RTTN: variants seen among roughly 807,000 people sequenced by gnomAD.
RTTN encodes rotatin.
A neutral mutation model predicts 269.2 loss-of-function variants in RTTN; 182 were observed. The observed-to-expected ratio is 0.68, with a 90% CI of 0.60 to 0.76. The LOEUF (loss-of-function observed/expected upper bound fraction) is 0.76. Ranked by LOEUF, RTTN falls within the 30% of genes least tolerant of loss-of-function variation. The pLI is 0.00. For missense variants in RTTN, 2,545 were observed against 2,608.6 expected, an observed-to-expected ratio of 0.98 and a Z score of 0.53; for synonymous variants, 1,006 against 963.5, an observed-to-expected ratio of 1.04 and a Z score of -0.82.
intron 21 of RTTN, chr18:70,138,999 A>AG (rs1259454259): frequency 6.1e-5 from 4 of 66,110 alleles, no homozygotes; most frequent in Admixed American, 2.1e-4. Flanking sequence ...CTCTCCATTG[A>AG]GAAAAAAAAA....
intron 28 of RTTN, among the ~76,000 whole-genome samples, chr18:70,098,021 G>C (rs1388582609): frequency 6.6e-6 from 1 of 151,498 alleles, no homozygotes; most frequent in African/African-American, 2.4e-5. Context: ...GTAAAAGGTT[G>C]ATAAATAGAG....
chr18:70,083,242 G>C (rs2058618668), intron 32 of RTTN, among the ~76,000 whole-genome samples: 1 of 152,120 alleles, frequency 6.6e-6, no homozygotes, highest in African/African-American at 2.4e-5. Flanking sequence ...CCCACTTCCA[G>C]TATGCTTCTG....
chr18:70,108,889 C>T (rs564197859), intron 28 of RTTN, among the ~76,000 whole-genome samples: 2 of 151,602 alleles, frequency 1.3e-5, no homozygotes, highest in South Asian at 4.2e-4. Context: ...AAACAGCATA[C>T]TGAAGGGTGA....
intron 19 of RTTN, among the ~76,000 whole-genome samples, chr18:70,140,501 T>C (rs553055912): frequency 6.6e-6 from 1 of 152,310 alleles, no homozygotes; most frequent in South Asian, 2.1e-4. Flanking sequence ...CTTATATTTA[T>C]ACATGCAAAT....
intron 47 of RTTN, 142 bp from the exon 48 acceptor site, chr18:70,005,409 T>C (rs1568227874): frequency 1.9e-6 from 1 of 523,478 alleles, no homozygotes; most frequent in South Asian, 3.5e-5. Flanking sequence ...CATCTTAGCA[T>C]AATACATCCT....
chr18:70,020,196 T>G (rs557542008), intron 45 of RTTN, among the ~76,000 whole-genome samples: 1 of 152,134 alleles, frequency 6.6e-6, no homozygotes, highest in Non-Finnish European at 1.5e-5. Flanking sequence ...GGAAGTTAAG[T>G]CTAACTGGGG....
chr18:70,007,574 A>G (rs2056233248), intron 46 of RTTN: 1 of 152,180 alleles, frequency 6.6e-6, no homozygotes, highest in South Asian at 2.1e-4. Flanking sequence ...TGGTGGGGAG[A>G]GGGGTGTCCA....
At chr18:70,086,747 A>G in intron 31 of RTTN, 63 bp from the exon 32 acceptor site, 1 of 1,397,278 alleles carries the variant, frequency 7.2e-7, no homozygotes, top group Non-Finnish European at 9.8e-7. Context: ...CAATACTGCC[A>G]TCTTGTGGTC....
intron 47 of RTTN, 61 bp from the exon 48 acceptor site, chr18:70,005,328 T>C (rs1334593514): frequency 8.6e-7 from 1 of 1,159,060 alleles, no homozygotes; most frequent in Non-Finnish European, 1.3e-6. Flanking sequence ...AGCAAAACAC[T>C]AATTCTGCCC....
intron 32 of RTTN, among the ~76,000 whole-genome samples, chr18:70,083,617 TA>T (rs529311786): frequency 3.5e-4 from 53 of 152,266 alleles, no homozygotes; most frequent in Admixed American, 9.2e-4. Context: ...TTTAATACTT[TA>T]AAAAAATAAA....
intron 43 of RTTN, among the ~76,000 whole-genome samples, chr18:70,025,271 T>C (rs913255805): frequency 1.3e-5 from 2 of 152,210 alleles, no homozygotes. Context: ...TCTCTGTGTA[T>C]GTGTGTATAT....
intron 31 of RTTN, 24 bp downstream of exon 31, chr18:70,087,965 A>T (rs781371090): frequency 1.2e-6 from 2 of 1,607,292 alleles, no homozygotes; most frequent in Non-Finnish European, 1.7e-6. Flanking sequence ...TTCTAAGGAA[A>T]AAAAGGAGAA....
intron 35 of RTTN, among the ~76,000 whole-genome samples, chr18:70,064,275 C>A (rs2058071800): frequency 7.4e-6 from 1 of 134,846 alleles, no homozygotes; most frequent in Non-Finnish European, 1.5e-5. Flanking sequence ...GAGGCAGAGG[C>A]TGCACTGAGC....
intron 16 of RTTN, among the ~76,000 whole-genome samples, chr18:70,149,429 G>A (rs1335019208): frequency 6.6e-6 from 1 of 151,704 alleles, no homozygotes; most frequent in East Asian, 1.9e-4. Context: ...ACAAGGCCCA[G>A]GCTCTCTCTT....
chr18:70,192,159 A>G (rs1473123587), intron 8 of RTTN, among the ~76,000 whole-genome samples: 1 of 152,212 alleles, frequency 6.6e-6, no homozygotes, highest in Non-Finnish European at 1.5e-5. Context: ...CACAGGGCAT[A>G]ACACCATACA....
At chr18:70,100,413 T>C (rs1423222582) in intron 28 of RTTN, among the ~76,000 whole-genome samples, 1 of 152,390 alleles carries the variant, frequency 6.6e-6, no homozygotes, top group East Asian at 1.9e-4. Context: ...TTGTGACTTC[T>C]GCACATTGAT....
intron 33 of RTTN, 47 bp downstream of exon 33, chr18:70,075,305 A>T: frequency 7.6e-7 from 1 of 1,309,490 alleles, no homozygotes; most frequent in Non-Finnish European, 1.0e-6. Context: ...AACAGTTTTT[A>T]CAAGTTACAT....
chr18:70,083,135 C>G (rs1446424315), intron 32 of RTTN, among the ~76,000 whole-genome samples: 1 of 152,080 alleles, frequency 6.6e-6, no homozygotes, highest in Non-Finnish European at 1.5e-5. Context: ...GTTCTCATAT[C>G]CAGCAGGGGC....
chr18:70,062,487 T>A (rs1358436362), intron 35 of RTTN, among the ~76,000 whole-genome samples: 1 of 152,244 alleles, frequency 6.6e-6, no homozygotes, highest in Non-Finnish European at 1.5e-5. Context: ...TTCTTTCATA[T>A]GCAAAAGTAG....
Sources: gnomAD v4.1 joint callset for allele counts (sites outside exome capture counted in the v4.1 genomes callset) on GRCh38, gnomAD v4.1.1 for gene constraint, MANE v1.5 for transcripts, NCBI Gene and HGNC (gene_info 2026-07-23, HGNC 2026-07-21) for gene names.